The following GPN1 variants were observed in gnomAD, a reference collection of about 807,000 sequenced individuals.
GPN1 encodes the protein GPN-loop GTPase 1.
A neutral mutation model predicts 55.9 loss-of-function variants in GPN1; 44 were observed. The ratio of observed to expected loss-of-function variants is 0.79; its 90% CI spans 0.62 to 1.01. The LOEUF (loss-of-function observed/expected upper bound fraction) is 1.01. Among genes scored for constraint, GPN1 ranks in the 50% least tolerant of loss-of-function variants. GPN1 has a pLI of 0.00. For synonymous variants in GPN1, 179 were observed against 162.5 expected (o/e 1.10, Z -0.77); for missense variants, 466 against 462.8 (o/e 1.01, Z -0.06).
intron 7 of GPN1, 66 bp downstream of exon 7, chr2:27,635,300 C>CAT: frequency 1.9e-6 from 1 of 520,138 alleles, no homozygotes; most frequent in Non-Finnish European, 3.2e-6. Context: ...TCTTCTTCCT[C>CAT]TTTTTTTTTT....
In GPN1 at chr2:27,629,843, C is replaced by A. The variant is rs753767606; in HGVS notation, c.112-16C>A. On this transcript the variant is annotated splice_polypyrimidine_tract_variant and intron_variant, in intron 1 of 13. Coordinates refer to ENST00000610189, the MANE Select transcript of GPN1 (RefSeq NM_007266.4). ...CCTCTTTGTCTCCTTCCAACCCTCT[C>A]CCCATATCTCTGCAGAGGCTCACAG... is the stretch of plus-strand genomic sequence containing the variant. The A allele has an allele frequency of 1.4e-6, 2 of 1,424,484 alleles. No homozygotes were observed. The highest frequency in any genetic ancestry group is 2.0e-6 in the Non-Finnish European group (2 of 1,006,576). The allele number at this position is 1,424,484 out of a possible 1,614,324, so 88.2% of individuals were successfully genotyped here. A position where few individuals can be genotyped will look rare whatever the true frequency, so the allele number is the denominator to read the frequency against.
chr2:27,637,737 T>C (rs1389841655), intron 7 of GPN1, among the ~76,000 whole-genome samples: 1 of 152,218 alleles, frequency 6.6e-6, no homozygotes, highest in East Asian at 1.9e-4. Context: ...TGCTCCAAAA[T>C]GTGAGACATT....
chr2:27,632,558 A>G (rs377284060), intron 4 of GPN1, 75 bp from the exon 5 acceptor site: 24 of 968,650 alleles, frequency 2.5e-5, no homozygotes, highest in Non-Finnish European at 1.7e-5. Flanking sequence ...CCTGTGAGGT[A>G]TGCCACCCTG....
At chr2:27,646,959 C>T (rs1674263356) in intron 12 of GPN1, among the ~76,000 whole-genome samples, 1 of 152,206 alleles carries the variant, frequency 6.6e-6, no homozygotes, top group Non-Finnish European at 1.5e-5. Flanking sequence ...AATGTTAAAA[C>T]TACTGCTGCA....
chr2:27,632,748 A>G, intron 5 of GPN1, 78 bp downstream of exon 5: 1 of 953,018 alleles, frequency 1.0e-6, no homozygotes, highest in South Asian at 1.4e-5. Context: ...CTGGGATACC[A>G]TCAGCCTCTG....
chr2:27,629,312 C>A (rs900443094), intron 1 of GPN1, 143 bp downstream of exon 1: 1 of 1,482,024 alleles, frequency 6.7e-7, no homozygotes, highest in Middle Eastern at 1.7e-4. Context: ...TTAGTTCCTT[C>A]CCCGGCAAAG....
intron 12 of GPN1, among the ~76,000 whole-genome samples, chr2:27,642,984 CACACACACACAT>C (rs1558490925): frequency 2.0e-5 from 3 of 151,142 alleles, no homozygotes; most frequent in African/African-American, 7.3e-5. Flanking sequence ...CACACACACA[CACACACACACAT>C]ACATATGCAT....
chr2:27,642,174 G>C, intron 11 of GPN1: 1 of 377,642 alleles, frequency 2.6e-6, no homozygotes, highest in Non-Finnish European at 4.8e-6. Context: ...TTAGAATTGA[G>C]GGTTCTTTTG....
chr2:27,634,841 CATAG>C lies in GPN1; in HGVS notation c.351-1_353del, dbSNP rs1200260927. On this transcript the variant is annotated splice_acceptor_variant and splice_polypyrimidine_tract_variant and intron_variant, in intron 5 of 13. Coordinates refer to ENST00000610189, the MANE Select transcript of GPN1 (RefSeq NM_007266.4). LOFTEE classifies it high-confidence loss of function. ...ACACTTCTTTAATGATCTTTCTTGA[CATAG>C]ATATGTGTTGATTGACACACCTGGA... The C allele has an allele frequency of 1.3e-6, 2 of 1,495,676 alleles. No homozygotes were observed. Among genetic ancestry groups the C allele is most frequent in the Admixed American group, 1.7e-5 (1 of 59,886 alleles). 92.7% of individuals were successfully genotyped at this position (1,495,676 alleles called of 1,614,324 possible).
chr2:27,632,178 G>C (rs773368371), intron 4 of GPN1, among the ~76,000 whole-genome samples: 7 of 152,188 alleles, frequency 4.6e-5, no homozygotes, highest in Non-Finnish European at 1.0e-4. Flanking sequence ...AGCTGGGATG[G>C]GGGTATTTGG....
At chr2:27,641,736 T>G (rs1350260447) in intron 11 of GPN1, among the ~76,000 whole-genome samples, 1 of 152,168 alleles carries the variant, frequency 6.6e-6, no homozygotes, top group Non-Finnish European at 1.5e-5. Flanking sequence ...TAGGACAACA[T>G]GTATGTACCA....
chr2:27,638,851 C>A, intron 8 of GPN1, 34 bp from the exon 9 acceptor site: 1 of 1,569,684 alleles, frequency 6.4e-7, no homozygotes, highest in Non-Finnish European at 8.6e-7. Context: ...TTTGTTGGCT[C>A]TGGTTGCTCA....
intron 12 of GPN1, among the ~76,000 whole-genome samples, chr2:27,647,328 A>G (rs1235690124): frequency 2.6e-5 from 4 of 152,148 alleles, no homozygotes; most frequent in Admixed American, 2.6e-4. Flanking sequence ...CTATTAGTGT[A>G]TTTGATTTTC....
rs1674054618 is a variant in GPN1 at position 27,643,238 on chromosome 2, A to G, written c.931+719A>G. On this transcript the variant is annotated intron_variant, in intron 12 of 13. Coordinates refer to ENST00000610189, the MANE Select transcript of GPN1 (RefSeq NM_007266.4). The surrounding 1 kb of genome is among the most constrained non-coding windows in gnomAD (Gnocchi z 4.0). ...AGTTTGACCTTAATTTCAGATTTAC[A>G]GAAGTTACATGAATAATACAAATAA... Among the ~76,000 whole-genome samples the G allele has an allele frequency of 6.6e-6, 1 of 151,258 alleles. No homozygotes were observed. The highest frequency in any genetic ancestry group is 1.5e-5 in the Non-Finnish European group (1 of 67,844).
intron 5 of GPN1, 91 bp downstream of exon 5, chr2:27,632,761 A>G: frequency 1.1e-6 from 1 of 876,916 alleles, no homozygotes; most frequent in Non-Finnish European, 1.9e-6. Flanking sequence ...AGCCTCTGAA[A>G]GAATATAGAT....
intron 8 of GPN1, 77 bp from the exon 9 acceptor site, chr2:27,638,808 T>C (rs978476034): frequency 4.2e-6 from 5 of 1,201,362 alleles, no homozygotes; most frequent in Non-Finnish European, 4.7e-6. Context: ...TGTTCTTTGC[T>C]GTCAACACTT....
chr2:27,628,533 T>C (rs1370170706), upstream of GPN1: 24 of 1,551,250 alleles, frequency 1.5e-5, no homozygotes, highest in Non-Finnish European at 2.0e-5. Flanking sequence ...AAAGCTCCCG[T>C]AGTTTATTCG....
intron 4 of GPN1, 76 bp downstream of exon 4, chr2:27,631,976 G>C (rs2148064137): frequency 1.2e-6 from 1 of 867,418 alleles, no homozygotes; most frequent in South Asian, 1.3e-5. Context: ...TGATCACATT[G>C]GTAAAGAAGA....
intron 11 of GPN1, chr2:27,642,208 G>C: frequency 2.2e-6 from 1 of 464,102 alleles, no homozygotes; most frequent in East Asian, 3.6e-5. Context: ...TTCCGTTTCT[G>C]AACCCTCTAA....
Sources: gnomAD v4.1 joint callset for allele counts (sites outside exome capture counted in the v4.1 genomes callset) on GRCh38, gnomAD v4.1.1 for gene constraint, Gnocchi (gnomAD v3.1) non-coding constraint, MANE v1.5 for transcripts, NCBI Gene and HGNC (gene_info 2026-07-23, HGNC 2026-07-21) for gene names.